The following LMNB1 variants were observed in gnomAD, a reference collection of about 807,000 sequenced individuals.
The protein encoded by LMNB1 is lamin-B1.
In LMNB1, 23 loss-of-function variants were observed where a neutral mutation model predicts 67.1. That is an observed-to-expected ratio of 0.34 (90% CI 0.25 to 0.49). The LOEUF (loss-of-function observed/expected upper bound fraction) is 0.49. Ranked by LOEUF, LMNB1 falls within the 20% of genes least tolerant of loss-of-function variation. The pLI is 0.99. For missense variants in LMNB1, 634 were observed against 746.5 expected, an observed-to-expected ratio of 0.85 and a Z score of 1.76; for synonymous variants, 281 against 282.9, an observed-to-expected ratio of 0.99 and a Z score of 0.07.
At chr5:126,798,176 G>A (rs758740435) in intron 1 of LMNB1, among the ~76,000 whole-genome samples, 1 of 149,792 alleles carries the variant, frequency 6.7e-6, no homozygotes, top group Non-Finnish European at 1.5e-5. Flanking sequence ...CAAGCTGGGC[G>A]CGGTGGCTCA....
At chr5:126,797,158 A>G (rs1472913754) in intron 1 of LMNB1, among the ~76,000 whole-genome samples, 13 of 152,194 alleles carry the variant, frequency 8.5e-5, no homozygotes, top group Non-Finnish European at 1.9e-4. Context: ...ATAAAATTCA[A>G]GCTTACTTGA....
At chr5:126,816,517 T>A (rs761671589) in intron 5 of LMNB1, among the ~76,000 whole-genome samples, 3 of 152,226 alleles carry the variant, frequency 2.0e-5, no homozygotes, top group Non-Finnish European at 4.4e-5. Flanking sequence ...TGTTAGCATC[T>A]TATGTTACCA....
chr5:126,805,685 A>G lies in LMNB1; in HGVS notation c.631A>G (p.Met211Val), dbSNP rs764874191. 16 of 1,611,152 alleles carry G rather than the reference A, an allele frequency of 9.9e-6. No homozygotes were observed. The highest frequency in any genetic ancestry group is 1.7e-5 in the Admixed American group (1 of 59,730). The change falls in exon 3 of 11, where the codon ATG becomes GTG. Residue 211 changes from methionine to valine, a missense_variant. By Grantham distance (21) the Met-to-Val change is conservative (BLOSUM62 1). Coordinates refer to ENST00000261366, the MANE Select transcript of LMNB1 (RefSeq NM_005573.4). The stretch of plus-strand genomic sequence containing the variant: ...TGAGGACTTGGAGTTTCGCAAAAGC[A>G]TGTATGAAGAGGTAACTATATATAA... ...LTEDLEFRKS[M>V]YEEEINETRR...
chr5:126,806,393 A>C (rs1440936950), intron 3 of LMNB1, among the ~76,000 whole-genome samples: 1 of 152,226 alleles, frequency 6.6e-6, no homozygotes, highest in African/African-American at 2.4e-5. Context: ...TTAATTTCTT[A>C]GTTCCTGAAG....
intron 1 of LMNB1, among the ~76,000 whole-genome samples, chr5:126,778,796 A>G (rs949019090): frequency 3.3e-5 from 5 of 152,122 alleles, no homozygotes; most frequent in Non-Finnish European, 7.4e-5. Context: ...CACTGTGCAG[A>G]TAGTAGACCA....
intron 1 of LMNB1, among the ~76,000 whole-genome samples, chr5:126,781,461 A>G (rs948649509): frequency 6.6e-6 from 1 of 151,792 alleles, no homozygotes; most frequent in African/African-American, 2.4e-5. Flanking sequence ...GTCTTCTGGC[A>G]TCTAGGGTTG....
intron 1 of LMNB1, among the ~76,000 whole-genome samples, chr5:126,803,929 T>C (rs1281992859): frequency 6.6e-6 from 1 of 152,210 alleles, no homozygotes; most frequent in Non-Finnish European, 1.5e-5. Flanking sequence ...CCGTTATTTA[T>C]TGTTACCTCT....
At chr5:126,827,547 G>C (rs1342783919) in intron 9 of LMNB1, among the ~76,000 whole-genome samples, 2 of 152,144 alleles carry the variant, frequency 1.3e-5, no homozygotes, top group Non-Finnish European at 2.9e-5. Flanking sequence ...TGTAGTCCAG[G>C]CTACTCAGGA....
intron 6 of LMNB1, among the ~76,000 whole-genome samples, chr5:126,820,674 C>A (rs1751843409): frequency 6.6e-6 from 1 of 151,946 alleles, no homozygotes. Context: ...TACAGGCGCC[C>A]ACCACCACGC....
intron 1 of LMNB1, among the ~76,000 whole-genome samples, chr5:126,786,028 A>C (rs2973589): frequency 0.28 from 41,437 of 149,878 alleles, 6,156 homozygotes; most frequent in South Asian, 0.38. Flanking sequence ...GTGGGGGAAA[A>C]GATGCAGGAA....
intron 1 of LMNB1, among the ~76,000 whole-genome samples, chr5:126,787,542 A>ATTT (rs1561735766): frequency 1.6e-4 from 11 of 68,276 alleles, no homozygotes; most frequent in Non-Finnish European, 2.6e-4. Flanking sequence ...ATATATATAT[A>ATTT]TATATTTTTT....
intron 10 of LMNB1, 91 bp from the exon 11 acceptor site, chr5:126,836,132 G>T: frequency 1.1e-6 from 1 of 877,030 alleles, no homozygotes; most frequent in South Asian, 1.4e-5. Context: ...AATATGGTTT[G>T]GTATCCCTGT....
intron 10 of LMNB1, among the ~76,000 whole-genome samples, chr5:126,834,030 C>T (rs1474442640): frequency 1.4e-4 from 22 of 152,158 alleles, no homozygotes; most frequent in Admixed American, 1.4e-3. Flanking sequence ...TGTTTCTGTT[C>T]CACATGCTGC....
chr5:126,816,605 A>G (rs1284408468), intron 5 of LMNB1, among the ~76,000 whole-genome samples: 1 of 152,122 alleles, frequency 6.6e-6, no homozygotes, highest in Non-Finnish European at 1.5e-5. Flanking sequence ...GGATTTCACC[A>G]GTTCTTCTGT....
At chr5:126,784,591 G>A (rs1750715897) in intron 1 of LMNB1, among the ~76,000 whole-genome samples, 1 of 146,552 alleles carries the variant, frequency 6.8e-6, no homozygotes, top group Non-Finnish European at 1.5e-5. Flanking sequence ...TCCTGACCTC[G>A]TGATCCACCC....
chr5:126,822,764 C>T lies in LMNB1; in HGVS notation c.1387-17C>T, dbSNP rs1469950532. 1 of 1,485,556 alleles carries T rather than the reference C, an allele frequency of 6.7e-7. No homozygotes were observed. Among genetic ancestry groups the T allele is most frequent in the Admixed American group, 1.7e-5 (1 of 58,190 alleles). 92.0% of individuals were successfully genotyped at this position (1,485,556 alleles called of 1,614,324 possible). ...TATCTTTGAAGTAACACCCCTCACC[C>T]TCCTTTCTGTGTGTAGGATCAACCA... On this transcript the variant is annotated splice_polypyrimidine_tract_variant and intron_variant, in intron 7 of 10. Transcript: ENST00000261366.
intron 1 of LMNB1, among the ~76,000 whole-genome samples, chr5:126,799,364 A>G (rs1002188339): frequency 1.3e-5 from 2 of 152,246 alleles, no homozygotes; most frequent in African/African-American, 4.8e-5. Context: ...AGGAAGAGGA[A>G]AAATATATGA....
rs1448773058 is a variant in LMNB1, at chr5:126,811,797, G to C, written c.838G>C (p.Glu280Gln). 3 of 1,609,104 alleles carry C rather than the reference G, an allele frequency of 1.9e-6. No homozygotes were observed. The highest frequency in any genetic ancestry group is 1.1e-5 in the South Asian group (1 of 90,856). Residue 280 changes from glutamate to glutamine, a missense_variant, in exon 5 of 11, where the codon GAG (glutamate) becomes CAG (glutamine). By Grantham distance (29) the Glu-to-Gln change is conservative (BLOSUM62 2). Transcript: ENST00000261366. The part of the protein sequence containing the change: ...AKLENARLSS[E>Q]MNTSTVNSAR... ...GCTTGAGAATGCCAGACTGTCATCA[G>C]AGATGAATACTTCTACTGTCAACAG...
rs1332163031 is a variant in LMNB1 at position 126,777,709 on chromosome 5, C to G, written c.201C>G (p.Arg67=). The G allele has an allele frequency of 1.3e-6, 2 of 1,544,650 alleles. No individual in the cohort carries two copies. Among genetic ancestry groups the G allele is most frequent in the South Asian group, 1.2e-5 (1 of 83,476 alleles). Residue 67 remains arginine (R), a synonymous_variant, in exon 1 of 11, where the codon CGC becomes CGG. Coordinates refer to ENST00000261366, the MANE Select transcript of LMNB1 (RefSeq NM_005573.4). ...NSALQLQVTE[R]EEVRGRELTG... is the part of the protein sequence containing the mutation. ...CGCTGCAGCTGCAGGTGACGGAGCGCGAGGAGGTGCGCGGCCGTGAGCTCA... is the reference window on the plus strand; with the variant it reads ...CGCTGCAGCTGCAGGTGACGGAGCGGGAGGAGGTGCGCGGCCGTGAGCTCA...
Sources: gnomAD v4.1 joint callset for allele counts (sites outside exome capture counted in the v4.1 genomes callset) on GRCh38, gnomAD v4.1.1 for gene constraint, MANE v1.5 for transcripts, NCBI Gene and HGNC (gene_info 2026-07-23, HGNC 2026-07-21) for gene names.